The following TRIP12 variants were observed in gnomAD, a reference collection of about 807,000 sequenced individuals.
TRIP12 encodes E3 ubiquitin-protein ligase TRIP12.
In TRIP12, 25 loss-of-function variants were observed where a neutral mutation model predicts 244.2. That is an observed-to-expected ratio of 0.10 (90% CI 0.07 to 0.14). The LOEUF (loss-of-function observed/expected upper bound fraction) is 0.14. Among genes scored for constraint, TRIP12 ranks in the 10% least tolerant of loss-of-function variants. TRIP12 has a pLI of 1.00. For synonymous variants in TRIP12, 905 were observed against 873.1 expected (o/e 1.04, Z -0.64); for missense variants, 1,677 against 2,486.4 (o/e 0.67, Z 6.92).
In TRIP12 at chr2:229,771,583, G is replaced by C; in HGVS notation, c.5744C>G (p.Ser1915Trp). ...LNEGVSRQFDSFRDGFESVFP... is the reference protein window; with the variant it reads ...LNEGVSRQFDWFRDGFESVFP... ...GACTGATTCAAATCCATCTCTGAAC[G>C]AATCAAATTGCCTAGAAACGCCTTC... The change falls in exon 39 of 42, where the codon TCG (serine) becomes TGG (tryptophan). Residue 1915 changes from serine (S) to tryptophan (W), a missense_variant. Transcript: ENST00000675903. 6.2e-7 allele frequency: 1 copy of C among 1,613,986 alleles called. No individual in the cohort carries two copies. The highest frequency in any genetic ancestry group is 1.1e-5 in the South Asian group (1 of 91,042).
intron 39 of TRIP12, among the ~76,000 whole-genome samples, chr2:229,769,601 C>A (rs1413622304): frequency 6.6e-6 from 1 of 152,014 alleles, no homozygotes; most frequent in East Asian, 1.9e-4. Flanking sequence ...ACCTGATGAC[C>A]CTTGATTTCA....
chr2:229,796,782 C>T lies in TRIP12; in HGVS notation c.3625G>A (p.Val1209Met). Reference protein sequence around the residue: ...CAATEQLNLQVDGGAECLVEI... With the variant: ...CAATEQLNLQMDGGAECLVEI... ...ACAAGGCACTCAGCTCCACCATCCA[C>T]CTGAAAGAGTTAGGAAAAGTATTTC... The change falls in exon 25 of 42, where the codon GTG becomes ATG. Residue 1209 changes from valine to methionine, a missense_variant and splice_region_variant. By Grantham distance (21) the Val-to-Met change is conservative (BLOSUM62 1). Transcript: ENST00000675903. 1 of 1,559,578 alleles carries T rather than the reference C, an allele frequency of 6.4e-7. No individual in the cohort carries two copies. Among genetic ancestry groups the T allele is most frequent in the Non-Finnish European group, 8.6e-7 (1 of 1,159,144 alleles).
chr2:229,852,977 T>C (rs1349910150), intron 4 of TRIP12, among the ~76,000 whole-genome samples: 2 of 152,226 alleles, frequency 1.3e-5, no homozygotes. Flanking sequence ...GCTTTCAATA[T>C]ATTCCTGCTT....
chr2:229,916,041 A>G (rs1463441065), intron 1 of TRIP12, among the ~76,000 whole-genome samples: 1 of 150,082 alleles, frequency 6.7e-6, no homozygotes, highest in Non-Finnish European at 1.5e-5. Flanking sequence ...GTTCGAGTTA[A>G]AAGAGTTTTA....
chr2:229,812,734 A>G (rs1352989252), intron 13 of TRIP12, among the ~76,000 whole-genome samples: 3 of 152,156 alleles, frequency 2.0e-5, no homozygotes, highest in Admixed American at 1.3e-4. Flanking sequence ...TGAACCAGGG[A>G]GGCAGAGGCT....
At chr2:229,866,242 C>A (rs535971996) in intron 2 of TRIP12, among the ~76,000 whole-genome samples, 1 of 152,118 alleles carries the variant, frequency 6.6e-6, no homozygotes, top group South Asian at 2.1e-4. Context: ...CAACGACAAG[C>A]GATTATACTA....
At chr2:229,842,769 T>A (rs765465794) in intron 4 of TRIP12, among the ~76,000 whole-genome samples, 4 of 152,318 alleles carry the variant, frequency 2.6e-5, no homozygotes, top group East Asian at 1.9e-4. Context: ...CAAATTAATG[T>A]ACTGTGGGCT....
chr2:229,807,684 T>G lies in TRIP12; in HGVS notation c.2496+24A>C, dbSNP rs766140173. Reference sequence around the variant, plus strand: ...CACTCTCCAACAAAATAGACACATTTAAACGGTACGATGAAACTACTACCT... The same window carrying G: ...CACTCTCCAACAAAATAGACACATTGAAACGGTACGATGAAACTACTACCT... On this transcript the variant is annotated intron_variant, in intron 17 of 41. Coordinates refer to ENST00000675903, the MANE Select transcript of TRIP12 (RefSeq NM_001348323.3). The G allele has an allele frequency of 4.3e-6, 7 of 1,613,922 alleles. No homozygotes were observed. In the Admixed American group the frequency reaches 1.2e-4, roughly 27 times the overall value.
chr2:229,900,645 T>A (rs2070443599), intron 1 of TRIP12: 1 of 152,134 alleles, frequency 6.6e-6, no homozygotes, highest in African/African-American at 2.4e-5. Context: ...GTGGATCACT[T>A]GAGGTCAGGA....
intron 2 of TRIP12, among the ~76,000 whole-genome samples, chr2:229,867,082 A>G (rs570582975): frequency 1.3e-5 from 2 of 148,696 alleles, no homozygotes; most frequent in Admixed American, 6.8e-5. Context: ...ATATATATAC[A>G]CACACACATA....
At chr2:229,841,874 A>T (rs2056499520) in intron 4 of TRIP12, among the ~76,000 whole-genome samples, 1 of 152,246 alleles carries the variant, frequency 6.6e-6, no homozygotes, top group South Asian at 2.1e-4. Flanking sequence ...GTGGAAAAGC[A>T]GCAGTAAAAG....
At chr2:229,843,178 C>T (rs1261487198) in intron 4 of TRIP12, among the ~76,000 whole-genome samples, 1 of 151,326 alleles carries the variant, frequency 6.6e-6, no homozygotes, top group Non-Finnish European at 1.5e-5. Flanking sequence ...TTTATGATGC[C>T]ACTCAACCAG....
At chr2:229,794,399 T>A (rs1171371490) in intron 26 of TRIP12, among the ~76,000 whole-genome samples, 1 of 152,058 alleles carries the variant, frequency 6.6e-6, no homozygotes, top group African/African-American at 2.4e-5. Context: ...AGACCCCGTC[T>A]CTACAAAAAA....
At chr2:229,902,415 T>G (rs1219098824) in intron 1 of TRIP12, among the ~76,000 whole-genome samples, 1 of 152,148 alleles carries the variant, frequency 6.6e-6, no homozygotes, top group Non-Finnish European at 1.5e-5. Context: ...TAACATTTCT[T>G]TCTCATATGA....
intron 2 of TRIP12, among the ~76,000 whole-genome samples, chr2:229,863,335 T>G (rs750341192): frequency 3.8e-4 from 58 of 151,988 alleles, no homozygotes; most frequent in Non-Finnish European, 1.3e-4. Context: ...TTAAAAAATA[T>G]ATTTTAAAAA....
intron 39 of TRIP12, among the ~76,000 whole-genome samples, chr2:229,771,050 G>C (rs549824631): frequency 1.3e-5 from 2 of 152,202 alleles, no homozygotes; most frequent in Non-Finnish European, 2.9e-5. Context: ...TCCATTCTCA[G>C]AAGTATTCTC....
rs1357863360 is a variant in TRIP12 at position 229,778,742 on chromosome 2, GATAA to G, written c.5209+130_5209+133del. ...AGAACTGGACAGGCCTTCCCTATTT[GATAA>G]ATGAGAAAACAGAGGCTAAAAGAAA... is the stretch of plus-strand genomic sequence containing the variant. On this transcript the variant is annotated intron_variant, in intron 35 of 41. Transcript: ENST00000675903. This position sits in a 1 kb window ranked among gnomAD's most constrained non-coding sequence, Gnocchi z 4.1. The G allele has an allele frequency of 3.8e-5, 51 of 1,331,180 alleles. No homozygotes were observed. Among genetic ancestry groups the G allele is most frequent in the Admixed American group, 2.1e-4 (10 of 46,554 alleles). The allele number at this position is 1,331,180 out of a possible 1,614,324, so 82.5% of individuals were successfully genotyped here.
At chr2:229,782,906 C>A (rs775496305) in intron 34 of TRIP12, among the ~76,000 whole-genome samples, 1 of 151,934 alleles carries the variant, frequency 6.6e-6, no homozygotes, top group Non-Finnish European at 1.5e-5. Flanking sequence ...CAGGGAAGCC[C>A]CAAAACTCTA....
Position 229,814,299 on chromosome 2 carries a change from C to T in TRIP12, c.1758G>A (p.Val586=). Residue 586 remains valine, a synonymous_variant, in exon 12 of 42, where the codon GTG becomes GTA. Transcript: ENST00000675903. The part of the protein sequence containing the change: ...EKLQVIQCID[V]AEQALTALEM... ...CCAAGGCAGTCAAGGCCTGCTCTGC[C>T]ACATCAATACACTGAATAACTTGCA... The T allele has an allele frequency of 1.9e-6, 3 of 1,614,112 alleles. No individual in the cohort carries two copies. The highest frequency in any genetic ancestry group is 2.5e-6 in the Non-Finnish European group (3 of 1,179,990).
Sources: allele counts gnomAD v4.1 joint callset (sites outside exome capture counted in the v4.1 genomes callset), GRCh38; gene constraint gnomAD v4.1.1; non-coding constraint Gnocchi (gnomAD v3.1); transcripts MANE v1.5; gene names NCBI Gene and HGNC (gene_info 2026-07-23, HGNC 2026-07-21).